PLK4: variants seen among roughly 807,000 people sequenced by gnomAD.
The protein encoded by PLK4 is serine/threonine-protein kinase PLK4.
Under a neutral mutation model 103.0 loss-of-function variants are expected in PLK4, and 51 were observed. That is an observed-to-expected ratio of 0.50 (90% CI 0.40 to 0.63). The LOEUF is 0.63. PLK4 is among the 20% of genes least tolerant of loss of function. The pLI, the probability that PLK4 is intolerant of heterozygous loss-of-function variation, is 0.00. For missense variants in PLK4, 1,054 were observed against 1,151.0 expected (o/e 0.92, Z 1.22); for synonymous variants, 389 against 376.8 (o/e 1.03, Z -0.38).
chr4:127,890,262 C>A, intron 7 of PLK4, 26 bp downstream of exon 7: 1 of 1,534,244 alleles, frequency 6.5e-7, no homozygotes. Context: ...TCTTAAGTTA[C>A]TAAATAACAT....
chr4:127,881,285 G>C (rs1424127086), intron 1 of PLK4, 121 bp downstream of exon 1: 10 of 1,562,672 alleles, frequency 6.4e-6, no homozygotes, highest in Admixed American at 1.9e-5. Context: ...GAGGTGCTTA[G>C]GGAGGGTCCC....
At chr4:127,889,835 AC>A in intron 6 of PLK4, 30 bp from the exon 7 acceptor site, 1 of 1,462,896 alleles carries the variant, frequency 6.8e-7, no homozygotes, top group South Asian at 1.4e-5. Context: ...TTAGTTATTT[AC>A]TAAATTGCTT....
chr4:127,897,356 G>GTA (rs1362215937), intron 15 of PLK4, among the ~76,000 whole-genome samples: 2 of 152,126 alleles, frequency 1.3e-5, no homozygotes, highest in Admixed American at 1.3e-4. Context: ...TTTTGAATGT[G>GTA]TATATTCATT....
At position 127,893,770 on chromosome 4, in the gene PLK4, ACCT is replaced by A; in HGVS notation, c.2458_2460del (p.Pro820del). On this transcript the variant is annotated inframe_deletion, in exon 13 of 16. Transcript: ENST00000270861. ...GTACTAGTTCACCTAAGGCCTTATC[ACCT>A]CCTCCTTCTGTGGATTCAAATTACC... The A allele has an allele frequency of 6.2e-7, 1 of 1,612,780 alleles. No homozygotes were observed. The highest frequency in any genetic ancestry group is 8.5e-7 in the Non-Finnish European group (1 of 1,178,870).
Position 127,892,504 on chromosome 4 carries a change from G to A in PLK4, c.2178G>A (p.Trp726Ter). 1 of 1,607,364 alleles carries A rather than the reference G, an allele frequency of 6.2e-7. No homozygotes were observed. The highest frequency in any genetic ancestry group is 8.5e-7 in the Non-Finnish European group (1 of 1,176,704). Reference sequence around the variant, plus strand: ...CTCCTGGTGCTGATTTTGAGGTTTGGTTTTATGATGGTAAGTACCATTTGG... The same window carrying A: ...CTCCTGGTGCTGATTTTGAGGTTTGATTTTATGATGGTAAGTACCATTTGG... ...ENSPGADFEV[W>*]FYDGVKIHKT... Residue 726 changes from tryptophan to a stop codon, truncating the protein, a stop_gained, in exon 10 of 16, where the codon TGG becomes TGA. Coordinates refer to ENST00000270861, the MANE Select transcript of PLK4 (RefSeq NM_014264.5). LOFTEE classifies it high-confidence loss of function.
At chr4:127,881,339 C>G in intron 1 of PLK4, 175 bp downstream of exon 1, 1 of 1,462,968 alleles carries the variant, frequency 6.8e-7, no homozygotes, top group Non-Finnish European at 9.0e-7. Context: ...CGGCCCGCCC[C>G]TCAAGAGACA....
intron 1 of PLK4, 31 bp downstream of exon 1, chr4:127,881,195 G>C (rs373131184): frequency 4.3e-6 from 7 of 1,613,662 alleles, no homozygotes; most frequent in Non-Finnish European, 5.9e-6. Context: ...GCAGCGGGGC[G>C]GGTGGGAGTA....
chr4:127,885,314 CT>C (rs1329593374), intron 4 of PLK4, among the ~76,000 whole-genome samples: 1 of 151,476 alleles, frequency 6.6e-6, no homozygotes, highest in Non-Finnish European at 1.5e-5. Flanking sequence ...CCTGTCTCTA[CT>C]AAAAACACAA....
chr4:127,898,485 C>A lies in PLK4; in HGVS notation c.2857C>A (p.Gln953Lys). ...ACCAGACTACATCAAACAGAAATTA[C>A]AGTGTCTGTCTTCCATCCTTTTGAT... ...KLPDYIKQKL[Q>K]CLSSILLMFS... The change falls in exon 16 of 16, where the codon CAG (glutamine) becomes AAG (lysine). Residue 953 changes from glutamine to lysine, a missense_variant. By Grantham distance (53) the Gln-to-Lys change is moderately conservative. Around this residue, in one of 4 missense-constraint regions of PLK4, gnomAD observed 167 missense variants for 200.7 expected, o/e 0.83. Coordinates refer to ENST00000270861, the MANE Select transcript of PLK4 (RefSeq NM_014264.5). The A allele has an allele frequency of 6.3e-7, 1 of 1,588,770 alleles. No individual in the cohort carries two copies. The highest frequency in any genetic ancestry group is 8.6e-7 in the Non-Finnish European group (1 of 1,159,884).
At chr4:127,889,150 A>G (rs551400166) in intron 6 of PLK4, among the ~76,000 whole-genome samples, 2 of 152,252 alleles carry the variant, frequency 1.3e-5, no homozygotes, top group African/African-American at 2.4e-5. Flanking sequence ...GTGGGGGGAA[A>G]GCACTAAAAA....
intron 4 of PLK4, among the ~76,000 whole-genome samples, chr4:127,885,208 G>A (rs1272136839): frequency 2.0e-5 from 3 of 151,970 alleles, no homozygotes; most frequent in Admixed American, 6.6e-5. Flanking sequence ...GGCCAGGCGC[G>A]GTGGCTCAAG....
chr4:127,884,118 CAA>C (rs565815060), intron 4 of PLK4, among the ~76,000 whole-genome samples: 182 of 152,294 alleles, frequency 1.2e-3, no homozygotes, highest in Admixed American at 4.0e-3. Flanking sequence ...AACGTAGCCA[CAA>C]AGTCATTATC....
chr4:127,898,610 T>C lies in PLK4; in HGVS notation c.*69T>C. The C allele has an allele frequency of 1.3e-6, 1 of 773,862 alleles. No individual in the cohort carries two copies. Among genetic ancestry groups the C allele is most frequent in the Non-Finnish European group, 2.2e-6 (1 of 456,320 alleles). The allele number at this position is 773,862 out of a possible 1,614,324, so 47.9% of individuals were successfully genotyped here. On this transcript the variant is annotated 3_prime_UTR_variant, in exon 16 of 16. Transcript: ENST00000270861. ...TGTTGACTTTCAAGTAAAGTGATTT[T>C]TTTTAATTTAACATAAAGTCTTCAG...
At chr4:127,883,133 A>T (rs1409902251) in intron 2 of PLK4, 129 bp from the exon 3 acceptor site, 4 of 576,042 alleles carry the variant, frequency 6.9e-6, no homozygotes, top group Admixed American at 3.4e-5. Context: ...GAAAACAGAT[A>T]ACAGTAGGTT....
In PLK4 at chr4:127,887,421, A is replaced by G. The variant is rs772236275; in HGVS notation, c.1384A>G (p.Thr462Ala). ...CTCCAATCATCTTTGTCCAGGAAAAACTCCTTTTCCATTTGCAGACCCGAC... is the reference window on the plus strand; with the variant it reads ...CTCCAATCATCTTTGTCCAGGAAAAGCTCCTTTTCCATTTGCAGACCCGAC... ...ALSNHLCPGK[T>A]PFPFADPTPQ... The change falls in exon 6 of 16, where the codon ACT becomes GCT. Residue 462 changes from threonine (T) to alanine (A), a missense_variant. By Grantham distance (58) the Thr-to-Ala change is moderately conservative. Around this residue, in one of 4 missense-constraint regions of PLK4, gnomAD observed 680 missense variants for 660.3 expected, o/e 1.03. Coordinates refer to ENST00000270861, the MANE Select transcript of PLK4 (RefSeq NM_014264.5). The G allele has an allele frequency of 6.2e-7, 1 of 1,609,026 alleles. No homozygotes were observed. The highest frequency in any genetic ancestry group is 1.1e-5 in the South Asian group (1 of 90,564).
At position 127,896,900 on chromosome 4, in the gene PLK4, A is replaced by G; in HGVS notation, c.2803A>G (p.Thr935Ala). The stretch of plus-strand genomic sequence containing the variant: ...CAGTTATACCTCACCAAATGGTCAA[A>G]CAACTAGGTAAGTTCTTAAAATACT... ...SISYTSPNGQ[T>A]TRYGENEKLP... Residue 935 changes from threonine to alanine, a missense_variant, in exon 15 of 16, where the codon ACA becomes GCA. Coordinates refer to ENST00000270861, the MANE Select transcript of PLK4 (RefSeq NM_014264.5). 6.4e-7 allele frequency: 1 copy of G among 1,565,402 alleles called. No homozygotes were observed. Among genetic ancestry groups the G allele is most frequent in the Non-Finnish European group, 8.8e-7 (1 of 1,136,424 alleles).
rs1035177489 is a variant in PLK4 at position 127,898,754 on chromosome 4, C to T, written c.*213C>T. On this transcript the variant is annotated 3_prime_UTR_variant, in exon 16 of 16. Transcript: ENST00000270861. ...AGTGGATATAAAATAGAACACCTGA[C>T]TTTGCTCTTAGACCATAACCCCCGA... 7.2e-6 allele frequency: 3 copies of T among 415,450 alleles called. No homozygotes were observed. The highest frequency in any genetic ancestry group is 1.3e-5 in the Non-Finnish European group (3 of 235,744). The allele number at this position is 415,450 out of a possible 1,614,324, so 25.7% of individuals were successfully genotyped here. A position where few individuals can be genotyped will look rare whatever the true frequency, so the allele number is the denominator to read the frequency against.
At chr4:127,881,771 C>T (rs1734939223) in intron 1 of PLK4, 60 bp from the exon 2 acceptor site, 3 of 1,005,028 alleles carry the variant, frequency 3.0e-6, no homozygotes, top group South Asian at 2.7e-5. Context: ...TTTCCAGCCC[C>T]TTCCCATCTT....
chr4:127,891,267 T>C, intron 8 of PLK4, 71 bp downstream of exon 8: 1 of 774,792 alleles, frequency 1.3e-6, no homozygotes, highest in Non-Finnish European at 2.1e-6. Context: ...TTCTAATTCA[T>C]TTTACAATGA....
Sources: gnomAD v4.1 joint callset for allele counts (sites outside exome capture counted in the v4.1 genomes callset) on GRCh38, gnomAD v4.1.1 for gene constraint, gnomAD v4.1.1 regional missense constraint, MANE v1.5 for transcripts, NCBI Gene and HGNC (gene_info 2026-07-23, HGNC 2026-07-21) for gene names.